RELT: variants seen among roughly 807,000 people sequenced by gnomAD.
RELT encodes the protein RELT TNF receptor.
In RELT, 37 loss-of-function variants were observed where a neutral mutation model predicts 51.1. That is an observed-to-expected ratio of 0.72 (90% confidence interval 0.56 to 0.95). The LOEUF (loss-of-function observed/expected upper bound fraction) is 0.95, where lower values mean the gene tolerates loss of function less well. Among genes scored for constraint, RELT ranks in the 40% least tolerant of loss-of-function variants. The probability of loss-of-function intolerance (pLI) is 0.00; values close to 1 mark genes in which losing one functional copy is unlikely to be tolerated. For synonymous variants in RELT, 241 were observed against 235.7 expected, an observed-to-expected ratio of 1.02 and a Z score of -0.21; for missense variants, 535 against 572.6, an observed-to-expected ratio of 0.93 and a Z score of 0.67.
chr11:73,383,585 C>T (rs1866080400), intron 1 of RELT, among the ~76,000 whole-genome samples: 1 of 152,232 alleles, frequency 6.6e-6, no homozygotes. Context: ...ACTGCAAGGA[C>T]ATTTACTATG....
At position 73,390,938 on chromosome 11, in the gene RELT, G is replaced by A; in HGVS notation, c.287+17G>A. ...CTGGCCTGGGTAAGCCAAAGGGAGTGCGGGGAGGGCTCCTGGCTGGGTGAC... is the reference window on the plus strand; with the variant it reads ...CTGGCCTGGGTAAGCCAAAGGGAGTACGGGGAGGGCTCCTGGCTGGGTGAC... On this transcript the variant is annotated intron_variant, in intron 4 of 10. Transcript: ENST00000064780. 1 of 1,607,288 alleles carries A rather than the reference G, an allele frequency of 6.2e-7. No individual in the cohort carries two copies. Among genetic ancestry groups the A allele is most frequent in the East Asian group, 2.2e-5 (1 of 44,852 alleles).
rs1393904039 is a variant in RELT, at chr11:73,391,066, T to C, written c.288-78T>C. The C allele has an allele frequency of 3.9e-6, 6 of 1,535,980 alleles. No individual in the cohort carries two copies. In the East Asian group the frequency reaches 1.1e-4, roughly 29 times the overall value. On this transcript the variant is annotated intron_variant, in intron 4 of 10. Transcript: ENST00000064780. ...GGGCAGGACCACGGAGGGTGCCTGG[T>C]AGGAAGGAATCCAGCCTCTCCTAAG... is the stretch of plus-strand genomic sequence containing the variant.
At chr11:73,377,083 CGT>C (rs1865980067) in intron 1 of RELT, among the ~76,000 whole-genome samples, 1 of 152,064 alleles carries the variant, frequency 6.6e-6, no homozygotes, top group Non-Finnish European at 1.5e-5. Flanking sequence ...AGCGTGTGTG[CGT>C]GTGTTGTGTG....
chr11:73,390,463 G>A (rs1340461173), intron 2 of RELT, 88 bp from the exon 3 acceptor site: 3 of 1,241,328 alleles, frequency 2.4e-6, no homozygotes, highest in Non-Finnish European at 2.4e-6. Flanking sequence ...CTACCACTGG[G>A]GTTTCAGGAA....
At chr11:73,392,027 G>A (rs1178854898) in intron 5 of RELT, 184 bp from the exon 6 acceptor site, 4 of 703,010 alleles carry the variant, frequency 5.7e-6, no homozygotes, top group Non-Finnish European at 7.0e-6. Context: ...ACAATGCTTC[G>A]ATGGCCAGAA....
At chr11:73,389,748 GTT>G (rs1866180958) in intron 2 of RELT, among the ~76,000 whole-genome samples, 1 of 152,240 alleles carries the variant, frequency 6.6e-6, no homozygotes. Context: ...CTTGCTAAGG[GTT>G]GCTCCATGTA....
In RELT at chr11:73,395,488, C is replaced by T. The variant is rs1259674716; in HGVS notation, c.1290C>T (p.Ile430=). The T allele has an allele frequency of 7.6e-6, 6 of 791,254 alleles. No homozygotes were observed. The highest frequency in any genetic ancestry group is 2.4e-5 in the East Asian group (1 of 41,300). The allele number at this position is 791,254 out of a possible 1,614,324, so 49.0% of individuals were successfully genotyped here. ...VVRLSESNLV[I] is the part of the protein sequence containing the mutation. ...GGCTAAGTGAGAGCAACCTGGTCAT[C>T]TGAGGGGCGGTCTAGTCTAAGGACA... The change falls in exon 11 of 11, where the codon ATC becomes ATT. Residue 430 remains isoleucine, a synonymous_variant. Transcript: ENST00000064780.
rs1866160268 is a variant in RELT, at chr11:73,388,635, G to A, written c.-25-477G>A. 6.6e-6 allele frequency among the ~76,000 whole-genome samples: 1 copy of A among 152,254 alleles called. No homozygotes were observed. Among genetic ancestry groups the A allele is most frequent in the Non-Finnish European group, 1.5e-5 (1 of 68,046 alleles). On this transcript the variant is annotated intron_variant, in intron 1 of 10. Coordinates refer to ENST00000064780, the MANE Select transcript of RELT (RefSeq NM_152222.2). The surrounding 1 kb of genome is among the most constrained non-coding windows in gnomAD (Gnocchi z 4.1). ...TCCTTGGACCAGAACCAGCAGGAGT[G>A]AAGGCAGAGGCCGGGCATGCTTGCA... is the stretch of plus-strand genomic sequence containing the variant.
intron 1 of RELT, among the ~76,000 whole-genome samples, chr11:73,378,802 G>A (rs1866007268): frequency 6.6e-6 from 1 of 152,242 alleles, no homozygotes; most frequent in African/African-American, 2.4e-5. Context: ...GCCTTCTAGA[G>A]CCTGGACCTG....
At chr11:73,392,851 G>A in intron 6 of RELT, 1 of 1,132,402 alleles carries the variant, frequency 8.8e-7, no homozygotes, top group Non-Finnish European at 1.1e-6. Context: ...TGTGGCAGGA[G>A]GGCTGGCAGG....
chr11:73,389,885 A>C (rs561630731), intron 2 of RELT, among the ~76,000 whole-genome samples: 27 of 152,308 alleles, frequency 1.8e-4, no homozygotes, highest in African/African-American at 6.5e-4. Context: ...GGACTCTAGG[A>C]GGGATTCAGG....
chr11:73,386,414 C>T (rs973606166), intron 1 of RELT, among the ~76,000 whole-genome samples: 3 of 151,968 alleles, frequency 2.0e-5, no homozygotes, highest in East Asian at 1.9e-4. Context: ...GTTCCAGGGC[C>T]GTTTTAGACA....
Position 73,392,387 on chromosome 11 carries a change from G to A in RELT, c.544G>A (p.Val182Met), listed in dbSNP as rs1866232098. Residue 182 changes from valine (V) to methionine (M), a missense_variant, in exon 6 of 11, where the codon GTG (valine) becomes ATG (methionine). Val to Met is a conservative substitution (Grantham distance 21, BLOSUM62 1). Transcript: ENST00000064780. ...CCTCATGGGGCTGTTGGGCATCCTG[G>A]TGTGCAACCTCCTCAAGCGGAAGGG... is the stretch of plus-strand genomic sequence containing the variant. ...FCLMGLLGIL[V>M]CNLLKRKGYH... 1.2e-6 allele frequency: 2 copies of A among 1,613,864 alleles called. No individual in the cohort carries two copies. Among genetic ancestry groups the A allele is most frequent in the South Asian group, 2.2e-5 (2 of 91,088 alleles).
At chr11:73,393,085 C>G in intron 6 of RELT, 2 of 997,232 alleles carry the variant, frequency 2.0e-6, no homozygotes, top group Non-Finnish European at 2.4e-6. Flanking sequence ...GTGGCTACCT[C>G]AAGAGTGAAA....
chr11:73,395,073 C>CA lies in RELT; in HGVS notation c.1047-13dup. ...TCCCCGCTAACGGGGATGATTGCCC[C>CA]ACTCTCCTCACAGGTTCCGCGTGGC... On this transcript the variant is annotated splice_polypyrimidine_tract_variant and intron_variant, in intron 9 of 10. Transcript: ENST00000064780. 1 of 1,607,498 alleles carries CA rather than the reference C, an allele frequency of 6.2e-7. No homozygotes were observed. The highest frequency in any genetic ancestry group is 8.5e-7 in the Non-Finnish European group (1 of 1,175,208).
chr11:73,384,461 T>C (rs943482350), intron 1 of RELT: 9 of 152,218 alleles, frequency 5.9e-5, no homozygotes, highest in African/African-American at 2.2e-4. Context: ...GGAAACTGAG[T>C]CACAGTGAAG....
chr11:73,393,813 G>A (rs1866259753), intron 6 of RELT, 24 bp from the exon 7 acceptor site: 1 of 1,612,284 alleles, frequency 6.2e-7, no homozygotes, highest in Admixed American at 1.7e-5. Context: ...TCTTCCCCAG[G>A]ATCAGGGCCC....
At chr11:73,386,545 G>A (rs892251975) in intron 1 of RELT, among the ~76,000 whole-genome samples, 12 of 152,318 alleles carry the variant, frequency 7.9e-5, no homozygotes, top group African/African-American at 2.6e-4. Context: ...GGCTGAGTGT[G>A]GGGGCCGGGC....
chr11:73,380,267 G>C (rs569386122), intron 1 of RELT, among the ~76,000 whole-genome samples: 1 of 152,340 alleles, frequency 6.6e-6, no homozygotes, highest in South Asian at 2.1e-4. Flanking sequence ...GGAGGCACCG[G>C]GAGATTTGCA....
Sources: allele counts gnomAD v4.1 joint callset (sites outside exome capture counted in the v4.1 genomes callset), GRCh38; gene constraint gnomAD v4.1.1; non-coding constraint Gnocchi (gnomAD v3.1); transcripts MANE v1.5; gene names NCBI Gene and HGNC (gene_info 2026-07-23, HGNC 2026-07-21).